PDE4D: variants seen among roughly 807,000 people sequenced by gnomAD.
The protein encoded by PDE4D is 3',5'-cyclic-AMP phosphodiesterase 4D.
Under a neutral mutation model 87.4 loss-of-function variants are expected in PDE4D, and 24 were observed. The observed-to-expected ratio is 0.27, with a 90% confidence interval of 0.20 to 0.39. The LOEUF (loss-of-function observed/expected upper bound fraction) is 0.39, where lower values mean the gene tolerates loss of function less well. Among genes scored for constraint, PDE4D ranks in the 10% least tolerant of loss-of-function variants. The pLI, the probability that PDE4D is intolerant of heterozygous loss-of-function variation, is 1.00. For missense variants in PDE4D, 714 were observed against 1,041.0 expected, an observed-to-expected ratio of 0.69 and a Z score of 4.32; for synonymous variants, 384 against 383.2, an observed-to-expected ratio of 1.00 and a Z score of -0.02.
At chr5:59,434,030 G>T (rs1354292434) in intron 1 of PDE4D, among the ~76,000 whole-genome samples, 3 of 147,388 alleles carry the variant, frequency 2.0e-5, no homozygotes, top group African/African-American at 7.6e-5. Flanking sequence ...TCCTAAAGAA[G>T]TCTCATCTTT....
intron 1 of PDE4D, among the ~76,000 whole-genome samples, chr5:59,637,946 G>A (rs1412474773): frequency 1.3e-5 from 2 of 152,158 alleles, no homozygotes; most frequent in African/African-American, 4.8e-5. Flanking sequence ...CAAGTAGCTA[G>A]GGAAATATCA....
At chr5:59,670,547 T>C (rs1747020452) in intron 1 of PDE4D, among the ~76,000 whole-genome samples, 1 of 152,154 alleles carries the variant, frequency 6.6e-6, no homozygotes, top group African/African-American at 2.4e-5. Flanking sequence ...ATAAATAAAT[T>C]TTGTGTTTAG....
intron 1 of PDE4D, among the ~76,000 whole-genome samples, chr5:59,879,569 GTTTGCATTTA>G (rs1432825820): frequency 1.3e-5 from 2 of 152,070 alleles, no homozygotes; most frequent in African/African-American, 4.8e-5. Context: ...TTTGTAATTT[GTTTGCATTTA>G]TTTTTCATAG....
At chr5:59,465,321 C>G (rs79983058) in intron 1 of PDE4D, among the ~76,000 whole-genome samples, 3,023 of 152,224 alleles carry the variant, frequency 0.02, 103 homozygotes, top group African/African-American at 0.07. Context: ...TACACCACCA[C>G]TACCATCACC....
intron 1 of PDE4D, among the ~76,000 whole-genome samples, chr5:59,685,356 AACTTTAG>A (rs1749677119): frequency 6.6e-6 from 1 of 152,220 alleles, no homozygotes; most frequent in South Asian, 2.1e-4. Context: ...GATTACAGCC[AACTTTAG>A]ACATACTAAA....
chr5:60,439,317 T>A (rs891562475), intron 1 of PDE4D, among the ~76,000 whole-genome samples: 2 of 152,082 alleles, frequency 1.3e-5, no homozygotes, highest in Non-Finnish European at 2.9e-5. Flanking sequence ...ATAAACTTCA[T>A]TCCATCCTTA....
intron 1 of PDE4D, among the ~76,000 whole-genome samples, chr5:59,535,993 T>G (rs1815144890): frequency 6.6e-6 from 1 of 152,198 alleles, no homozygotes; most frequent in African/African-American, 2.4e-5. Context: ...TTACATTGTT[T>G]GGGATGGGTT....
chr5:60,499,869 G>C (rs1262133972), intron 1 of PDE4D, among the ~76,000 whole-genome samples: 1 of 152,170 alleles, frequency 6.6e-6, no homozygotes, highest in Non-Finnish European at 1.5e-5. Flanking sequence ...CAGTTTTCCT[G>C]TTAGCCCTCT....
At chr5:59,744,837 CAG>C (rs1396679831) in intron 1 of PDE4D, among the ~76,000 whole-genome samples, 1 of 152,088 alleles carries the variant, frequency 6.6e-6, no homozygotes, top group Non-Finnish European at 1.5e-5. Flanking sequence ...ACAGCAAAGA[CAG>C]TGTTGTATTT....
chr5:60,065,271 G>A (rs761269899), intron 2 of PDE4D, among the ~76,000 whole-genome samples: 6 of 64,730 alleles, frequency 9.3e-5, no homozygotes, highest in African/African-American at 2.8e-4. Context: ...TGTGTGTGTC[G>A]TGTGTGTGTG....
intron 3 of PDE4D, among the ~76,000 whole-genome samples, chr5:59,912,479 C>T (rs1016117283): frequency 6.6e-6 from 1 of 152,094 alleles, no homozygotes; most frequent in Non-Finnish European, 1.5e-5. Flanking sequence ...ATTGTATTGA[C>T]AGGTTTATCA....
At chr5:59,365,298 A>C (rs2153595426) in intron 1 of PDE4D, among the ~76,000 whole-genome samples, 1 of 152,162 alleles carries the variant, frequency 6.6e-6, no homozygotes, top group Non-Finnish European at 1.5e-5. Flanking sequence ...ATCTCTACAA[A>C]AAAGAGAAAA....
At chr5:60,156,679 C>T (rs1782007100) in intron 2 of PDE4D, among the ~76,000 whole-genome samples, 2 of 151,990 alleles carry the variant, frequency 1.3e-5, no homozygotes, top group Admixed American at 6.6e-5. Context: ...ACAAAATCAC[C>T]CATAATCTTA....
intron 1 of PDE4D, among the ~76,000 whole-genome samples, chr5:60,478,606 C>T (rs1434646775): frequency 6.6e-6 from 1 of 152,164 alleles, no homozygotes; most frequent in East Asian, 1.9e-4. Flanking sequence ...TCTATTCATG[C>T]TTTTGTATTG....
chr5:59,087,407 G>A (rs1308115171), intron 5 of PDE4D, among the ~76,000 whole-genome samples: 2 of 152,052 alleles, frequency 1.3e-5, no homozygotes, highest in Admixed American at 1.3e-4. Flanking sequence ...GATCGTTTGA[G>A]CCTGGGAGGT....
At chr5:59,738,727 A>G (rs1224073177) in intron 1 of PDE4D, among the ~76,000 whole-genome samples, 1 of 151,716 alleles carries the variant, frequency 6.6e-6, no homozygotes, top group Non-Finnish European at 1.5e-5. Flanking sequence ...ATATATTTCT[A>G]TACTCTAGAG....
Position 60,359,003 on chromosome 5 carries a change from T to A in PDE4D, c.-90+128939A>T, listed in dbSNP as rs185815780. ...CAAAAGACATCAATTGGGCACTTAT[T>A]ATGTGTGGGTGACAAGGGTGAAGAT... On this transcript the variant is annotated intron_variant, in intron 1 of 16. Coordinates refer to the PDE4D transcript ENST00000502484. Among the ~76,000 whole-genome samples, 508 of 152,340 alleles carry A rather than the reference T, an allele frequency of 3.3e-3. 5 individuals carry two copies. Among genetic ancestry groups the A allele is most frequent in the African/African-American group, 0.012 (479 of 41,586 alleles).
chr5:59,809,818 G>C (rs1374952093), intron 1 of PDE4D, among the ~76,000 whole-genome samples: 1 of 152,194 alleles, frequency 6.6e-6, no homozygotes, highest in Non-Finnish European at 1.5e-5. Flanking sequence ...TAGATTCAGA[G>C]TCAGAGGACC....
Position 60,032,623 on chromosome 5 carries a change from C to T in PDE4D, c.43-43906G>A, listed in dbSNP as rs192557825. On this transcript the variant is annotated intron_variant, in intron 2 of 16. Coordinates refer to the PDE4D transcript ENST00000502484. ...TTTCTAGGAAAGTTATGAAACATCT[C>T]TTAGCTGCTTCCTTAAAGTGTCAAA... Among the ~76,000 whole-genome samples, 3 of 152,270 alleles carry T rather than the reference C, an allele frequency of 2.0e-5. No individual in the cohort carries two copies. In the East Asian group the frequency reaches 5.8e-4, roughly 29 times the overall value.
Sources: gnomAD v4.1 joint callset for allele counts (sites outside exome capture counted in the v4.1 genomes callset) on GRCh38, gnomAD v4.1.1 for gene constraint, MANE v1.5 for transcripts, NCBI Gene and HGNC (gene_info 2026-07-23, HGNC 2026-07-21) for gene names.